The following CDH4 variants were observed in gnomAD, a reference collection of about 807,000 sequenced individuals.
The protein encoded by CDH4 is cadherin 4, also known as cadherin-4.
A neutral mutation model predicts 86.0 loss-of-function variants in CDH4; 33 were observed. That is an observed-to-expected ratio of 0.38 (90% CI 0.29 to 0.51). CDH4 has a LOEUF of 0.51. CDH4 is among the 20% of genes least tolerant of loss of function. CDH4 has a pLI of 0.86. For missense variants in CDH4, 1,114 were observed against 1,307.4 expected (o/e 0.85, Z 2.28); for synonymous variants, 555 against 549.4 (o/e 1.01, Z -0.14).
At chr20:61,883,857 G>A (rs1600735640) in intron 7 of CDH4, among the ~76,000 whole-genome samples, 1 of 152,290 alleles carries the variant, frequency 6.6e-6, no homozygotes, top group Non-Finnish European at 1.5e-5. Flanking sequence ...TTCCCTCTGT[G>A]CCCAGCAGAG....
chr20:61,601,819 G>A (rs772188829), intron 2 of CDH4, among the ~76,000 whole-genome samples: 2 of 152,240 alleles, frequency 1.3e-5, no homozygotes, highest in Non-Finnish European at 2.9e-5. Flanking sequence ...TGGTGCCCGT[G>A]GATGCCCACA....
intron 4 of CDH4, among the ~76,000 whole-genome samples, chr20:61,792,575 A>G (rs1286970665): frequency 6.6e-6 from 1 of 152,092 alleles, no homozygotes; most frequent in Non-Finnish European, 1.5e-5. Flanking sequence ...TCTTTATTCT[A>G]TTGTCTCTTA....
At chr20:61,863,324 A>G (rs1858484327) in intron 6 of CDH4, among the ~76,000 whole-genome samples, 1 of 152,156 alleles carries the variant, frequency 6.6e-6, no homozygotes, top group African/African-American at 2.4e-5. Context: ...TGCTTCCTTG[A>G]TGGGGAAATA....
intron 3 of CDH4, among the ~76,000 whole-genome samples, chr20:61,767,861 C>T (rs6089272): frequency 2.0e-5 from 3 of 152,212 alleles, no homozygotes; most frequent in Admixed American, 6.5e-5. Flanking sequence ...AGGTCTCATC[C>T]TGTCAAGGAC....
chr20:61,647,342 G>A (rs572969309), intron 2 of CDH4, among the ~76,000 whole-genome samples: 14 of 152,202 alleles, frequency 9.2e-5, no homozygotes, highest in Middle Eastern at 3.4e-3. Flanking sequence ...TTGCCCTAGC[G>A]CAACTTGTCC....
chr20:61,749,594 A>G (rs1044837879), intron 3 of CDH4, among the ~76,000 whole-genome samples: 1 of 152,200 alleles, frequency 6.6e-6, no homozygotes, highest in African/African-American at 2.4e-5. Flanking sequence ...GAAAATCCCC[A>G]TAGATTTAGA....
At chr20:61,398,925 C>G (rs1168743810) in intron 2 of CDH4, among the ~76,000 whole-genome samples, 1 of 152,192 alleles carries the variant, frequency 6.6e-6, no homozygotes, top group Non-Finnish European at 1.5e-5. Context: ...CCCTGTTGCT[C>G]TCACATTTTC....
In CDH4 at chr20:61,637,887, G is replaced by A. The variant is rs138271432; in HGVS notation, c.170-105676G>A. Among the ~76,000 whole-genome samples, 13 of 152,292 alleles carry A rather than the reference G, an allele frequency of 8.5e-5. No homozygotes were observed. The East Asian group carries it at 2.3e-3, about 27-fold the overall frequency. Reference sequence around the variant, plus strand: ...AATCCAAAAATTAGCCGGACATGGTGGTGGGTGCCTGAAAGCCCAGCTATT... The same window carrying A: ...AATCCAAAAATTAGCCGGACATGGTAGTGGGTGCCTGAAAGCCCAGCTATT... On this transcript the variant is annotated intron_variant, in intron 2 of 15. Transcript: ENST00000614565.
intron 2 of CDH4, among the ~76,000 whole-genome samples, chr20:61,386,576 C>T (rs568444443): frequency 6.6e-6 from 1 of 152,294 alleles, no homozygotes; most frequent in Non-Finnish European, 1.5e-5. Context: ...CGGTTTGGCA[C>T]CATGAGGTTA....
chr20:61,289,393 C>G (rs2123180472), intron 2 of CDH4, among the ~76,000 whole-genome samples: 1 of 152,356 alleles, frequency 6.6e-6, no homozygotes, highest in Non-Finnish European at 1.5e-5. Flanking sequence ...CCCTGAAGCC[C>G]TCTCTTCTCT....
intron 4 of CDH4, among the ~76,000 whole-genome samples, chr20:61,792,719 C>T (rs1268441132): frequency 6.6e-6 from 1 of 151,770 alleles, no homozygotes; most frequent in African/African-American, 2.4e-5. Context: ...GGCATGATCT[C>T]AGCTCACTGC....
At chr20:61,646,710 C>G (rs2087065347) in intron 2 of CDH4, among the ~76,000 whole-genome samples, 1 of 152,242 alleles carries the variant, frequency 6.6e-6, no homozygotes, top group Admixed American at 6.5e-5. Context: ...GCCTGCCTCC[C>G]TGAGTCCCAG....
At chr20:61,791,335 A>C (rs1979189671) in intron 4 of CDH4, among the ~76,000 whole-genome samples, 1 of 152,226 alleles carries the variant, frequency 6.6e-6, no homozygotes, top group Admixed American at 6.5e-5. Context: ...AGTCTCCTTG[A>C]TTGTTTTCCT....
intron 8 of CDH4, among the ~76,000 whole-genome samples, chr20:61,908,501 G>A (rs2054815979): frequency 6.6e-6 from 1 of 152,152 alleles, no homozygotes; most frequent in Non-Finnish European, 1.5e-5. Context: ...CTCTCACACC[G>A]GCTCTGAGAT....
intron 2 of CDH4, among the ~76,000 whole-genome samples, chr20:61,381,515 T>G (rs1175249496): frequency 6.6e-6 from 1 of 152,116 alleles, no homozygotes; most frequent in Admixed American, 6.6e-5. Flanking sequence ...GGAAAGAACA[T>G]GTGACCCTTT....
chr20:61,556,087 TCTC>T (rs571380117), intron 2 of CDH4, among the ~76,000 whole-genome samples: 3 of 152,308 alleles, frequency 2.0e-5, no homozygotes, highest in South Asian at 4.2e-4. Context: ...ACACAGATGT[TCTC>T]CTGCCTTTCT....
At chr20:61,454,070 C>T (rs989712216) in intron 2 of CDH4, among the ~76,000 whole-genome samples, 1 of 152,196 alleles carries the variant, frequency 6.6e-6, no homozygotes, top group Non-Finnish European at 1.5e-5. Context: ...TACCCAGTTT[C>T]GGTAGTTCTT....
intron 2 of CDH4, among the ~76,000 whole-genome samples, chr20:61,574,329 A>C (rs1260415385): frequency 2.0e-5 from 3 of 152,254 alleles, no homozygotes; most frequent in African/African-American, 7.2e-5. Flanking sequence ...TGCTTGGTAG[A>C]GGCCCCGTGG....
At chr20:61,745,603 C>T (rs951696757) in intron 3 of CDH4, among the ~76,000 whole-genome samples, 18 of 151,552 alleles carry the variant, frequency 1.2e-4, no homozygotes, top group East Asian at 3.9e-4. Context: ...GAGTCTAGGA[C>T]GGTGTATGTC....
Sources: allele counts gnomAD v4.1 joint callset (sites outside exome capture counted in the v4.1 genomes callset), GRCh38; gene constraint gnomAD v4.1.1; transcripts MANE v1.5; gene names NCBI Gene and HGNC (gene_info 2026-07-23, HGNC 2026-07-21).